Variants in VTI1A observed in about 807,000 individuals in gnomAD.
VTI1A encodes vesicle transport through interaction with t-SNAREs 1A.
Under a neutral mutation model 34.9 loss-of-function variants are expected in VTI1A, and 22 were observed. The observed-to-expected ratio is 0.63, with a 90% CI of 0.45 to 0.90. The LOEUF (loss-of-function observed/expected upper bound fraction) is 0.90, where lower values mean the gene tolerates loss of function less well. VTI1A is among the 40% of genes least tolerant of loss of function. VTI1A has a pLI of 0.00. For missense variants in VTI1A, 268 were observed against 275.6 expected (o/e 0.97, Z 0.20); for synonymous variants, 87 against 97.3 (o/e 0.89, Z 0.62).
At chr10:112,474,124 T>C (rs978137931) in intron 3 of VTI1A, among the ~76,000 whole-genome samples, 6 of 152,016 alleles carry the variant, frequency 3.9e-5, no homozygotes, top group Admixed American at 1.3e-4. Context: ...TGCAGTGGTG[T>C]GATCTCAGCT....
At chr10:112,744,790 C>T (rs142828819) in intron 7 of VTI1A, among the ~76,000 whole-genome samples, 2,492 of 152,222 alleles carry the variant, frequency 0.016, 24 homozygotes, top group Middle Eastern at 0.034. Flanking sequence ...CATCGACATC[C>T]CTCCCTGTCG....
At chr10:112,464,972 A>G (rs551202567) in intron 3 of VTI1A, among the ~76,000 whole-genome samples, 2 of 152,324 alleles carry the variant, frequency 1.3e-5, no homozygotes, top group African/African-American at 4.8e-5. Context: ...TGGAGCCTTT[A>G]AGAGGCAGCC....
chr10:112,823,576 T>C (rs1246514427), downstream of VTI1A: 2 of 152,166 alleles, frequency 1.3e-5, no homozygotes, highest in African/African-American at 2.4e-5. Flanking sequence ...AGAATCCAGA[T>C]TGGGGCGCGT....
At chr10:112,717,263 C>T (rs1186976424) in intron 7 of VTI1A, among the ~76,000 whole-genome samples, 1 of 152,168 alleles carries the variant, frequency 6.6e-6, no homozygotes, top group East Asian at 1.9e-4. Flanking sequence ...ATGATGTGCC[C>T]TTTCTATTGT....
intron 5 of VTI1A, 118 bp downstream of exon 5, chr10:112,538,448 C>T: frequency 1.1e-6 from 1 of 903,968 alleles, no homozygotes; most frequent in Middle Eastern, 2.3e-4. Flanking sequence ...ATGTGGTTTA[C>T]ATATTGGGGA....
At chr10:112,609,026 G>T (rs1012475890) in intron 5 of VTI1A, among the ~76,000 whole-genome samples, 31 of 152,210 alleles carry the variant, frequency 2.0e-4, no homozygotes, top group African/African-American at 7.2e-4. Flanking sequence ...AAATGAAGTT[G>T]GAAATCGAAA....
intron 7 of VTI1A, among the ~76,000 whole-genome samples, chr10:112,780,328 A>AT (rs1852089106): frequency 6.6e-6 from 1 of 150,804 alleles, no homozygotes; most frequent in African/African-American, 2.4e-5. Context: ...AAATAAAATA[A>AT]TAACCTACCT....
At chr10:112,792,471 A>G (rs1348552361) in intron 7 of VTI1A, among the ~76,000 whole-genome samples, 1 of 151,634 alleles carries the variant, frequency 6.6e-6, no homozygotes, top group Non-Finnish European at 1.5e-5. Context: ...TTAGTACCAC[A>G]CTCTTCCCCA....
At chr10:112,832,792 G>C in the VTI1A span, among the ~76,000 whole-genome samples, 4 of 152,224 alleles carry the variant, frequency 2.6e-5, no homozygotes, top group South Asian at 8.3e-4. Flanking sequence ...CATTTGAAAT[G>C]CAAGAGGCTC....
At chr10:112,597,584 A>G (rs887976479) in intron 5 of VTI1A, among the ~76,000 whole-genome samples, 5 of 145,052 alleles carry the variant, frequency 3.4e-5, no homozygotes, top group Non-Finnish European at 7.6e-5. Flanking sequence ...GTACATGCCT[A>G]TAGTCCTAGC....
chr10:112,652,052 A>G (rs1847045561), intron 5 of VTI1A, among the ~76,000 whole-genome samples: 1 of 152,196 alleles, frequency 6.6e-6, no homozygotes, highest in Admixed American at 6.5e-5. Flanking sequence ...ATAGTGATGG[A>G]GATTTCTTTC....
At chr10:112,496,500 G>A (rs558733248) in intron 3 of VTI1A, among the ~76,000 whole-genome samples, 1 of 152,184 alleles carries the variant, frequency 6.6e-6, no homozygotes, top group South Asian at 2.1e-4. Context: ...GAACCTGGGA[G>A]GCAGAGGTTG....
At chr10:112,599,831 G>A (rs570882325) in intron 5 of VTI1A, among the ~76,000 whole-genome samples, 5 of 152,202 alleles carry the variant, frequency 3.3e-5, no homozygotes, top group African/African-American at 4.8e-5. Context: ...ATCTTGCCTC[G>A]GCTTCCCAAA....
rs535686684 is a variant in VTI1A, at chr10:112,483,183, A to T, written c.264+18526A>T. On this transcript the variant is annotated intron_variant, in intron 3 of 7. Transcript: ENST00000393077. The stretch of plus-strand genomic sequence containing the variant: ...AGATGCTTTTAATGTCTTTTTTGGA[A>T]TCTAGAAAGTACTAAGAAATGTCTC... Among the ~76,000 whole-genome samples, 3 of 152,250 alleles carry T rather than the reference A, an allele frequency of 2.0e-5. No homozygotes were observed. In the South Asian group the frequency reaches 6.2e-4, roughly 32 times the overall value.
intron 7 of VTI1A, among the ~76,000 whole-genome samples, chr10:112,754,691 C>T (rs1034167399): frequency 6.6e-6 from 1 of 152,202 alleles, no homozygotes; most frequent in Admixed American, 6.5e-5. Context: ...AAGGCCACAT[C>T]GTCTCTGTCT....
chr10:112,622,007 G>A (rs1483286177), intron 5 of VTI1A, among the ~76,000 whole-genome samples: 1 of 152,254 alleles, frequency 6.6e-6, no homozygotes, highest in East Asian at 1.9e-4. Flanking sequence ...AGAAGAAGGA[G>A]ACAGAGAGAG....
At chr10:112,496,298 A>G (rs1051200114) in intron 3 of VTI1A, among the ~76,000 whole-genome samples, 2 of 147,466 alleles carry the variant, frequency 1.4e-5, no homozygotes, top group Non-Finnish European at 3.0e-5. Flanking sequence ...GGCCAGGTGC[A>G]GTGGCTCATG....
intron 5 of VTI1A, among the ~76,000 whole-genome samples, chr10:112,639,276 C>T (rs533605940): frequency 3.9e-5 from 6 of 152,162 alleles, no homozygotes; most frequent in East Asian, 1.9e-4. Flanking sequence ...TAATGAGAGT[C>T]GACATGATTA....
intron 7 of VTI1A, among the ~76,000 whole-genome samples, chr10:112,678,243 A>G (rs1848097716): frequency 6.6e-6 from 1 of 152,142 alleles, no homozygotes; most frequent in African/African-American, 2.4e-5. Context: ...CCCTGGATGC[A>G]TGCCATTCTT....
Sources: gnomAD v4.1 joint callset for allele counts (sites outside exome capture counted in the v4.1 genomes callset) on GRCh38, gnomAD v4.1.1 for gene constraint, MANE v1.5 for transcripts, NCBI Gene and HGNC (gene_info 2026-07-23, HGNC 2026-07-21) for gene names.